The following ANAPC4 variants were observed in gnomAD, a reference collection of about 807,000 sequenced individuals.
ANAPC4 encodes the protein anaphase-promoting complex subunit 4.
In ANAPC4, 63 loss-of-function variants were observed where a neutral mutation model predicts 119.8. That is an observed-to-expected ratio of 0.53 (90% CI 0.43 to 0.65). ANAPC4 has a LOEUF of 0.65. ANAPC4 is among the 30% of genes least tolerant of loss of function. ANAPC4 has a pLI of 0.00. For missense variants in ANAPC4, 716 were observed against 945.1 expected (o/e 0.76, Z 3.18); for synonymous variants, 283 against 318.6 (o/e 0.89, Z 1.19).
intron 17 of ANAPC4, among the ~76,000 whole-genome samples, chr4:25,403,371 T>C (rs956082881): frequency 1.3e-5 from 2 of 152,122 alleles, no homozygotes; most frequent in Non-Finnish European, 2.9e-5. Context: ...TTTTTCCTTG[T>C]GCTAGAAACA....
At position 25,417,729 on chromosome 4, in the gene ANAPC4, T is replaced by C; in HGVS notation, c.2189T>C (p.Val730Ala). ...GTTGCTGGGAATGGTTTTCGAAAAG[T>C]GTCCTGTGTGGTAAGTGTTTAGAGA... ...QYVAGNGFRK[V>A]SCVLSSNLRH... The change falls in exon 28 of 29, where the codon GTG becomes GCG. Residue 730 changes from valine to alanine, a missense_variant. Physicochemically the swap from Val to Ala is moderately conservative, Grantham distance 64 (BLOSUM62 0). Coordinates refer to ENST00000315368, the MANE Select transcript of ANAPC4 (RefSeq NM_013367.3). 1 of 1,611,226 alleles carries C rather than the reference T, an allele frequency of 6.2e-7. No individual in the cohort carries two copies. Among genetic ancestry groups the C allele is most frequent in the Non-Finnish European group, 8.5e-7 (1 of 1,179,016 alleles).
chr4:25,414,216 T>G, intron 22 of ANAPC4, 108 bp from the exon 23 acceptor site: 3 of 723,388 alleles, frequency 4.1e-6, no homozygotes, highest in Non-Finnish European at 6.5e-6. Flanking sequence ...TTTGGTGATG[T>G]AGGCGATTTT....
chr4:25,390,345 T>C, intron 8 of ANAPC4, 125 bp downstream of exon 8: 1 of 591,578 alleles, frequency 1.7e-6, no homozygotes, highest in Non-Finnish European at 2.8e-6. Flanking sequence ...TTCTTAAATG[T>C]TCAGAGACTA....
chr4:25,407,195 A>T lies in ANAPC4; in HGVS notation c.1375-2A>T, dbSNP rs758434230. ...AATTAAACTATGTTTATTTTTTTCC[A>T]GGCTCCAGACCTTTATAATCGAAAA... is the stretch of plus-strand genomic sequence containing the variant. On this transcript the variant is annotated splice_acceptor_variant, in intron 19 of 28. Transcript: ENST00000315368. LOFTEE classifies it high-confidence loss of function. The T allele has an allele frequency of 2.9e-5, 47 of 1,598,198 alleles. No individual in the cohort carries two copies. Among genetic ancestry groups the T allele is most frequent in the Admixed American group, 1.8e-5 (1 of 55,412 alleles).
rs754543457 is a variant in ANAPC4 at position 25,396,672 on chromosome 4, A to C, written c.1070A>C (p.Glu357Ala). ...CTGCTCTGTTTGGATAGTGGCTCGG[A>C]GTCTTTATTATACCATTTGAGTGAA... ...LVISHLQSGS[E>A]SLLYHLSELK... Residue 357 changes from glutamate to alanine, a missense_variant, in exon 15 of 29, where the codon GAG becomes GCG. Transcript: ENST00000315368. The C allele has an allele frequency of 6.2e-7, 1 of 1,600,086 alleles. No homozygotes were observed. The highest frequency in any genetic ancestry group is 1.1e-5 in the South Asian group (1 of 88,662).
Position 25,393,598 on chromosome 4 carries a change from G to A in ANAPC4, c.790-207G>A, listed in dbSNP as rs532458737. On this transcript the variant is annotated intron_variant, in intron 10 of 28. Transcript: ENST00000315368. ...AATCGCTTGAACCTGGGAGGCAGAG[G>A]TTGCAGTGAGCCAAGATGGCGTCAC... is the stretch of plus-strand genomic sequence containing the variant. 8.5e-5 allele frequency among the ~76,000 whole-genome samples: 13 copies of A among 152,252 alleles called. No homozygotes were observed. In the South Asian group the frequency reaches 2.5e-3, roughly 29 times the overall value.
At chr4:25,414,434 T>C (rs745985180) in intron 23 of ANAPC4, 32 bp from the exon 24 acceptor site, 30 of 1,597,964 alleles carry the variant, frequency 1.9e-5, no homozygotes, top group African/African-American at 2.7e-5. Flanking sequence ...CCAATTTAAA[T>C]TTTTCTCATT....
chr4:25,387,962 A>G (rs6448354), intron 4 of ANAPC4, among the ~76,000 whole-genome samples: 1 of 150,916 alleles, frequency 6.6e-6, no homozygotes, highest in Non-Finnish European at 1.5e-5. Flanking sequence ...CCCATCTCTA[A>G]AAAAAAAAAT....
chr4:25,377,869 T>C (rs1302038307), intron 2 of ANAPC4, among the ~76,000 whole-genome samples: 1 of 152,260 alleles, frequency 6.6e-6, no homozygotes, highest in Non-Finnish European at 1.5e-5. Context: ...ATTAGTTAAA[T>C]GAACTTTTTA....
At position 25,402,813 on chromosome 4, in the gene ANAPC4, G is replaced by A. The variant is rs570387654; in HGVS notation, c.1215-158G>A. Among the ~76,000 whole-genome samples, 8 of 152,098 alleles carry A rather than the reference G, an allele frequency of 5.3e-5. No individual in the cohort carries two copies. In the South Asian group the frequency reaches 8.3e-4, roughly 16 times the overall value. The stretch of plus-strand genomic sequence containing the variant: ...TTTGAAATTTTATTTTTAGGTAGGC[G>A]TTTGATTTGTAATATCTGCTGTTCT... On this transcript the variant is annotated intron_variant, in intron 16 of 28. Transcript: ENST00000315368.
chr4:25,411,966 C>T (rs768871211), intron 21 of ANAPC4, among the ~76,000 whole-genome samples: 5 of 152,136 alleles, frequency 3.3e-5, no homozygotes, highest in Admixed American at 6.5e-5. Flanking sequence ...AGACTGCCCT[C>T]GCGTCAAATG....
intron 25 of ANAPC4, chr4:25,415,202 G>A (rs1029517900): frequency 1.4e-4 from 47 of 334,124 alleles, no homozygotes; most frequent in African/African-American, 8.5e-4. Flanking sequence ...GCTTAAAAAT[G>A]GTTTTAAACC....
chr4:25,392,717 A>G (rs2292410), intron 10 of ANAPC4, among the ~76,000 whole-genome samples: 65,654 of 152,014 alleles, frequency 0.43, 15,769 homozygotes, highest in Non-Finnish European at 0.53. Context: ...ATGAGTTTAC[A>G]TTTGTTCATA....
chr4:25,394,519 C>CG, intron 12 of ANAPC4, 145 bp downstream of exon 12: 1 of 1,003,078 alleles, frequency 1.0e-6, no homozygotes, highest in South Asian at 1.8e-5. Context: ...TACATACTTA[C>CG]GGGGTATATG....
intron 16 of ANAPC4, among the ~76,000 whole-genome samples, chr4:25,399,150 C>G (rs764304632): frequency 6.6e-5 from 10 of 151,986 alleles, no homozygotes; most frequent in Non-Finnish European, 8.8e-5. Flanking sequence ...ATATCAGGTG[C>G]CTTTTACCTG....
intron 27 of ANAPC4, 68 bp from the exon 28 acceptor site, chr4:25,417,548 A>G: frequency 1.4e-6 from 2 of 1,468,774 alleles, no homozygotes; most frequent in South Asian, 3.1e-5. Context: ...CCCTAATACC[A>G]CCTGTAGTAA....
intron 3 of ANAPC4, among the ~76,000 whole-genome samples, chr4:25,382,469 A>G (rs1577369369): frequency 6.6e-6 from 1 of 152,242 alleles, no homozygotes; most frequent in Non-Finnish European, 1.5e-5. Flanking sequence ...CTTGCACTAA[A>G]TCATTCAAAA....
intron 7 of ANAPC4, among the ~76,000 whole-genome samples, chr4:25,389,513 A>G (rs193047657): frequency 0.012 from 1,864 of 151,828 alleles, 46 homozygotes; most frequent in African/African-American, 0.043. Flanking sequence ...GGCTGGTCTC[A>G]GACTCCCAAC....
chr4:25,415,167 A>T (rs534122858), intron 25 of ANAPC4: 42 of 257,864 alleles, frequency 1.6e-4, no homozygotes, highest in Non-Finnish European at 2.8e-4. Flanking sequence ...CTGAAAAATA[A>T]ATCATATTTA....
Sources: gnomAD v4.1 joint callset for allele counts (sites outside exome capture counted in the v4.1 genomes callset) on GRCh38, gnomAD v4.1.1 for gene constraint, MANE v1.5 for transcripts, NCBI Gene and HGNC (gene_info 2026-07-23, HGNC 2026-07-21) for gene names.